ANKRD34A: variants seen among roughly 807,000 people sequenced by gnomAD.
The protein encoded by ANKRD34A is ankyrin repeat domain 34A.
In ANKRD34A, 7 loss-of-function variants were observed where a neutral mutation model predicts 27.1. The observed-to-expected ratio is 0.26, with a 90% CI of 0.15 to 0.49. The LOEUF (loss-of-function observed/expected upper bound fraction) is 0.49, where lower values mean the gene tolerates loss of function less well. Among genes scored for constraint, ANKRD34A ranks in the 20% least tolerant of loss-of-function variants. ANKRD34A has a pLI of 0.99. For synonymous variants in ANKRD34A, 301 were observed against 300.8 expected, an observed-to-expected ratio of 1.00 and a Z score of -0.01; for missense variants, 472 against 682.1, an observed-to-expected ratio of 0.69 and a Z score of 3.43.
intron 3 of ANKRD34A, among the ~76,000 whole-genome samples, 196 bp from the exon 4 acceptor site, chr1:145,962,075 G>A (rs1553761482): frequency 2.0e-5 from 3 of 152,044 alleles, no homozygotes; most frequent in Non-Finnish European, 1.5e-5. Flanking sequence ...TAGCGCGCGT[G>A]CAAATGCGTT....
chr1:145,961,071 G>C lies in ANKRD34A; in HGVS notation c.689C>G (p.Pro230Arg). The change falls in exon 4 of 4, where the codon CCG becomes CGG. Residue 230 changes from proline to arginine, a missense_variant. Pro to Arg is a moderately radical substitution (Grantham distance 103). Around this residue, in one of 4 missense-constraint regions of ANKRD34A, gnomAD observed 295 missense variants for 335.0 expected, o/e 0.88. Coordinates refer to ENST00000606888, the MANE Select transcript of ANKRD34A (RefSeq NM_001039888.4). The surrounding 1 kb of genome is among the most constrained non-coding windows in gnomAD (Gnocchi z 9.5). Reference protein sequence around the residue: ...KPPDDPSPSEPLPKPPRHPPK... With the variant: ...KPPDDPSPSERLPKPPRHPPK... ...GGGATGGCGTGGTGGTTTGGGGAGC[G>C]GCTCGGAAGGGGATGGGTCATCGGG... The C allele has an allele frequency of 6.2e-7, 1 of 1,613,682 alleles. No individual in the cohort carries two copies. The highest frequency in any genetic ancestry group is 8.5e-7 in the Non-Finnish European group (1 of 1,179,728).
rs1348366926 is a variant in ANKRD34A, at chr1:145,959,446, C to T, written c.*823G>A. ...GGCAGAAGTGACAAAACAGAGACTT[C>T]TGAACACATTTATTTGATATGTCAA... On this transcript the variant is annotated 3_prime_UTR_variant, in exon 4 of 4. Coordinates refer to ENST00000606888, the MANE Select transcript of ANKRD34A (RefSeq NM_001039888.4). 6.0e-6 allele frequency: 1 copy of T among 167,034 alleles called. No individual in the cohort carries two copies. The highest frequency in any genetic ancestry group is 6.5e-5 in the Admixed American group (1 of 15,274). The allele number at this position is 167,034 out of a possible 1,614,324, so 10.3% of individuals were successfully genotyped here.
intron 3 of ANKRD34A, chr1:145,962,162 T>G: frequency 5.0e-6 from 1 of 201,162 alleles, no homozygotes; most frequent in Non-Finnish European, 1.0e-5. Context: ...CCCCTTGTCT[T>G]ATCCACACTT....
In ANKRD34A at chr1:145,960,241, C is replaced by G. The variant is rs782764649; in HGVS notation, c.*28G>C. 65 of 1,490,756 alleles carry G rather than the reference C, an allele frequency of 4.4e-5. No individual in the cohort carries two copies. The highest frequency in any genetic ancestry group is 5.6e-5 in the Non-Finnish European group (63 of 1,119,922). 92.3% of individuals were successfully genotyped at this position (1,490,756 alleles called of 1,614,324 possible). A position where few individuals can be genotyped will look rare whatever the true frequency, so the allele number is the denominator to read the frequency against. ...ACCTATCCCATTAAGGTCCTAATCCCCACCCTCCTTGGCTCCTCTCACTCC... is the reference window on the plus strand; with the variant it reads ...ACCTATCCCATTAAGGTCCTAATCCGCACCCTCCTTGGCTCCTCTCACTCC... On this transcript the variant is annotated 3_prime_UTR_variant, in exon 4 of 4. Transcript: ENST00000606888. The surrounding 1 kb of genome is among the most constrained non-coding windows in gnomAD (Gnocchi z 5.5).
At position 145,960,405 on chromosome 1, in the gene ANKRD34A, G is replaced by A. The variant is rs1323739723; in HGVS notation, c.1355C>T (p.Ala452Val). ...QPGGRAPSLPAPPYAGAPGSP... is the reference protein window; with the variant it reads ...QPGGRAPSLPVPPYAGAPGSP... ...GCCTGGCGCCCCGGCATAAGGAGGGGCAGGCAACGAAGGCGCCCGACCTCC... is the reference window on the plus strand; with the variant it reads ...GCCTGGCGCCCCGGCATAAGGAGGGACAGGCAACGAAGGCGCCCGACCTCC... Residue 452 changes from alanine (A) to valine (V), a missense_variant, in exon 4 of 4, where the codon GCC (alanine) becomes GTC (valine). By Grantham distance (64) the Ala-to-Val change is moderately conservative. Coordinates refer to ENST00000606888, the MANE Select transcript of ANKRD34A (RefSeq NM_001039888.4). The surrounding 1 kb of genome is among the most constrained non-coding windows in gnomAD (Gnocchi z 5.5). 1 of 1,609,746 alleles carries A rather than the reference G, an allele frequency of 6.2e-7. No individual in the cohort carries two copies. Among genetic ancestry groups the A allele is most frequent in the African/African-American group, 1.3e-5 (1 of 74,762 alleles).
rs1649777959 is a variant in ANKRD34A, at chr1:145,961,808, C to G, written c.-49G>C. The G allele has an allele frequency of 6.4e-7, 1 of 1,555,508 alleles. No homozygotes were observed. Among genetic ancestry groups the G allele is most frequent in the Non-Finnish European group, 8.7e-7 (1 of 1,155,684 alleles). On this transcript the variant is annotated 5_prime_UTR_variant, in exon 4 of 4. Coordinates refer to ENST00000606888, the MANE Select transcript of ANKRD34A (RefSeq NM_001039888.4). The surrounding 1 kb of genome is among the most constrained non-coding windows in gnomAD (Gnocchi z 9.5). ...AGATGGAGCCGGGACTGAGACCTGC[C>G]GAGGATGACTAGGGGTATGGGGAGG...
Position 145,961,984 on chromosome 1 carries a change from T to C in ANKRD34A, c.-120-105A>G. 1.4e-5 allele frequency: 8 copies of C among 562,900 alleles called. No individual in the cohort carries two copies. The South Asian group carries it at 1.8e-4, about 12-fold the overall frequency. The allele number at this position is 562,900 out of a possible 1,614,324, so 34.9% of individuals were successfully genotyped here. ...GACCTTCACGGCATACAGTCCTTCC[T>C]CTAACTCATGCCTTTGAGCCGGCCC... On this transcript the variant is annotated intron_variant, in intron 3 of 3. Transcript: ENST00000606888. This position sits in a 1 kb window ranked among gnomAD's most constrained non-coding sequence, Gnocchi z 9.5.
rs1553761382 is a variant in ANKRD34A, at chr1:145,961,394, C to T, written c.366G>A (p.Gly122=). 9 of 1,613,544 alleles carry T rather than the reference C, an allele frequency of 5.6e-6. No homozygotes were observed. Among genetic ancestry groups the T allele is most frequent in the Non-Finnish European group, 7.6e-6 (9 of 1,179,868 alleles). ...ASALVHALDR[G]DRETLATLLD... ...GCAGTGTGGCAAGGGTCTCGCGGTCCCCGCGGTCCAGGGCGTGGACAAGAG... is the reference window on the plus strand; with the variant it reads ...GCAGTGTGGCAAGGGTCTCGCGGTCTCCGCGGTCCAGGGCGTGGACAAGAG... The change falls in exon 4 of 4, where the codon GGG becomes GGA. Residue 122 remains glycine, a synonymous_variant. Coordinates refer to ENST00000606888, the MANE Select transcript of ANKRD34A (RefSeq NM_001039888.4). The surrounding 1 kb of genome is among the most constrained non-coding windows in gnomAD (Gnocchi z 9.5).
Position 145,961,822 on chromosome 1 carries a change from G to A in ANKRD34A, c.-63C>T, listed in dbSNP as rs907907449. ...CTGAGACCTGCCGAGGATGACTAGG[G>A]GTATGGGGAGGGGGAGTGGCTGGCA... On this transcript the variant is annotated 5_prime_UTR_variant, in exon 4 of 4. Coordinates refer to ENST00000606888, the MANE Select transcript of ANKRD34A (RefSeq NM_001039888.4). This position sits in a 1 kb window ranked among gnomAD's most constrained non-coding sequence, Gnocchi z 9.5. 3.3e-6 allele frequency: 5 copies of A among 1,516,636 alleles called. No homozygotes were observed. Among genetic ancestry groups the A allele is most frequent in the Non-Finnish European group, 4.4e-6 (5 of 1,135,626 alleles). The allele number at this position is 1,516,636 out of a possible 1,614,324, so 93.9% of individuals were successfully genotyped here. A position where few individuals can be genotyped will look rare whatever the true frequency, so the allele number is the denominator to read the frequency against.
chr1:145,961,051 G>A lies in ANKRD34A; in HGVS notation c.709C>T (p.His237Tyr). The change falls in exon 4 of 4, where the codon CAT becomes TAT. Residue 237 changes from histidine to tyrosine, a missense_variant. Physicochemically the swap from His to Tyr is moderately conservative, Grantham distance 83 (BLOSUM62 2). Transcript: ENST00000606888. The surrounding 1 kb of genome is among the most constrained non-coding windows in gnomAD (Gnocchi z 9.5). Reference sequence around the variant, plus strand: ...AGCCTTTTGAGTGGTTTTGGGGGATGGCGTGGTGGTTTGGGGAGCGGCTCG... The same window carrying A: ...AGCCTTTTGAGTGGTTTTGGGGGATAGCGTGGTGGTTTGGGGAGCGGCTCG... ...PSEPLPKPPR[H>Y]PPKPLKRLNS... 1 of 1,613,856 alleles carries A rather than the reference G, an allele frequency of 6.2e-7. No individual in the cohort carries two copies. Among genetic ancestry groups the A allele is most frequent in the Non-Finnish European group, 8.5e-7 (1 of 1,179,808 alleles).
Position 145,959,892 on chromosome 1 carries a change from G to T in ANKRD34A, c.*377C>A. ...TGGAAAGCAAGGGATTGCTTCTGCA[G>T]GAGGGCAAAGACATCGGAGACTGCC... On this transcript the variant is annotated 3_prime_UTR_variant, in exon 4 of 4. Transcript: ENST00000606888. 1 of 239,104 alleles carries T rather than the reference G, an allele frequency of 4.2e-6. No homozygotes were observed. Among genetic ancestry groups the T allele is most frequent in the East Asian group, 8.8e-5 (1 of 11,348 alleles). 14.8% of individuals were successfully genotyped at this position (239,104 alleles called of 1,614,324 possible).
chr1:145,960,624 G>A lies in ANKRD34A; in HGVS notation c.1136C>T (p.Ser379Phe). The A allele has an allele frequency of 6.3e-7, 1 of 1,584,610 alleles. No individual in the cohort carries two copies. Among genetic ancestry groups the A allele is most frequent in the Non-Finnish European group, 8.6e-7 (1 of 1,163,378 alleles). The change falls in exon 4 of 4, where the codon TCT becomes TTT. Residue 379 changes from serine (S) to phenylalanine (F), a missense_variant. Ser to Phe is a radical substitution (Grantham distance 155). This residue lies in a region of ANKRD34A where 295 missense variants were observed against 335.0 expected (regional missense o/e 0.88). Transcript: ENST00000606888. The surrounding 1 kb of genome is among the most constrained non-coding windows in gnomAD (Gnocchi z 5.5). ...LTLPPAGSAP[S>F]PRQSQESLPG... ...CAGACTCTCCTGGGACTGGCGCGGA[G>A]AGGGAGCCGAGCCGGCTGGAGGGAG...
rs1431161372 is a variant in ANKRD34A, at chr1:145,963,390, ATC to A, written c.-751_-750del. The stretch of plus-strand genomic sequence containing the variant: ...CTTATTTTTTCCATCTTGCTTGACG[ATC>A]TCTGTCTGAAACATTCCTTATATCT... On this transcript the variant is annotated 5_prime_UTR_variant, in exon 2 of 4. An upstream open reading frame in the 5' UTR gains an earlier in-frame stop. Transcript: ENST00000606888. The A allele has an allele frequency of 1.3e-5, 2 of 152,256 alleles. No homozygotes were observed. The highest frequency in any genetic ancestry group is 2.9e-5 in the Non-Finnish European group (2 of 68,072). The allele number at this position is 152,256 out of a possible 1,614,324, so 9.4% of individuals were successfully genotyped here.
At chr1:145,963,910 A>G (rs1348923759) in intron 1 of ANKRD34A, among the ~76,000 whole-genome samples, 3 of 152,102 alleles carry the variant, frequency 2.0e-5, no homozygotes, top group African/African-American at 7.2e-5. Context: ...GCTTGCCACT[A>G]CACCTACAGC....
In ANKRD34A at chr1:145,964,441, T is replaced by C. The variant is rs1184918199; in HGVS notation, c.-1154A>G. 1 of 152,214 alleles carries C rather than the reference T, an allele frequency of 6.6e-6. No homozygotes were observed. Among genetic ancestry groups the C allele is most frequent in the Non-Finnish European group, 1.5e-5 (1 of 68,064 alleles). 9.4% of individuals were successfully genotyped at this position (152,214 alleles called of 1,614,324 possible). A position where few individuals can be genotyped will look rare whatever the true frequency, so the allele number is the denominator to read the frequency against. On this transcript the variant is annotated 5_prime_UTR_variant, in exon 1 of 4. Transcript: ENST00000606888. ...ACGGTCCCTCGATGAGATATGAGTG[T>C]CACGTTCCCTCGGTGAACTCTCGCC... is the stretch of plus-strand genomic sequence containing the variant.
At position 145,964,172 on chromosome 1, in the gene ANKRD34A, C is replaced by G. The variant is rs1215917550; in HGVS notation, c.-897+12G>C. ...GATCCCAAATCCTTCCTTTCTTGAA[C>G]CCTCTGCCCACCTTCTCACAGACAC... On this transcript the variant is annotated intron_variant, in intron 1 of 3. Transcript: ENST00000606888. 3 of 152,534 alleles carry G rather than the reference C, an allele frequency of 2.0e-5. No homozygotes were observed. Among genetic ancestry groups the G allele is most frequent in the African/African-American group, 7.2e-5 (3 of 41,458 alleles). 9.4% of individuals were successfully genotyped at this position (152,534 alleles called of 1,614,324 possible).
intron 3 of ANKRD34A, among the ~76,000 whole-genome samples, chr1:145,962,093 G>A (rs1388013169): frequency 6.6e-6 from 1 of 152,036 alleles, no homozygotes; most frequent in Non-Finnish European, 1.5e-5. Context: ...GTTCGTGCAC[G>A]CGCAGGGATG....
rs1553761756 is a variant in ANKRD34A, at chr1:145,964,241, T to C, written c.-954A>G. The stretch of plus-strand genomic sequence containing the variant: ...AACATTTTTAGAAAAGAAGTATCCA[T>C]TGGTGGTGCTGGAGAGAGGCAGTGT... On this transcript the variant is annotated 5_prime_UTR_variant, in exon 1 of 4. The change abolishes an upstream ATG in the 5' untranslated region. Transcript: ENST00000606888. 2.0e-5 allele frequency: 3 copies of C among 152,780 alleles called. No individual in the cohort carries two copies. The highest frequency in any genetic ancestry group is 7.2e-5 in the African/African-American group (3 of 41,510). The allele number at this position is 152,780 out of a possible 1,614,324, so 9.5% of individuals were successfully genotyped here. A position where few individuals can be genotyped will look rare whatever the true frequency, so the allele number is the denominator to read the frequency against.
At position 145,960,787 on chromosome 1, in the gene ANKRD34A, G is replaced by C. The variant is rs200631287; in HGVS notation, c.973C>G (p.Pro325Ala). Residue 325 changes from proline to alanine, a missense_variant, in exon 4 of 4, where the codon CCC (proline) becomes GCC (alanine). Transcript: ENST00000606888. This position sits in a 1 kb window ranked among gnomAD's most constrained non-coding sequence, Gnocchi z 5.5. ...NTAPEAQESG[P>A]PSGLRQKLSR... The stretch of plus-strand genomic sequence containing the variant: ...AGTTTCTGCCTCAGCCCTGAAGGGG[G>C]ACCAGACTCCTGAGCTTCTGGTGCT... 6.2e-7 allele frequency: 1 copy of C among 1,614,112 alleles called. No homozygotes were observed. The highest frequency in any genetic ancestry group is 2.2e-5 in the East Asian group (1 of 44,894).
Sources: gnomAD v4.1 joint callset for allele counts (sites outside exome capture counted in the v4.1 genomes callset) on GRCh38, gnomAD v4.1.1 for gene constraint, gnomAD v4.1.1 regional missense constraint, Gnocchi (gnomAD v3.1) non-coding constraint, MANE v1.5 for transcripts, NCBI Gene and HGNC (gene_info 2026-07-23, HGNC 2026-07-21) for gene names.